Variants in MACF1 observed in about 807,000 individuals in gnomAD.
The protein encoded by MACF1 is microtubule actin crosslinking factor 1.
Under a neutral mutation model 854.8 loss-of-function variants are expected in MACF1, and 193 were observed. The ratio of observed to expected loss-of-function variants is 0.23; its 90% CI spans 0.20 to 0.25. The LOEUF (loss-of-function observed/expected upper bound fraction) is 0.25. Ranked by LOEUF, MACF1 falls within the 10% of genes least tolerant of loss-of-function variation. The pLI is 1.00. For missense variants in MACF1, 7,722 were observed against 8,929.1 expected, an observed-to-expected ratio of 0.86 and a Z score of 5.45; for synonymous variants, 3,185 against 3,226.7, an observed-to-expected ratio of 0.99 and a Z score of 0.44.
intron 50 of MACF1, among the ~76,000 whole-genome samples, chr1:39,369,362 A>G (rs1649029087): frequency 6.6e-6 from 1 of 152,210 alleles, no homozygotes; most frequent in Admixed American, 6.5e-5. Flanking sequence ...TAACTGCCTT[A>G]GTGATTAGAA....
At chr1:39,469,637 C>G (rs777394323) in intron 97 of MACF1, 22 bp downstream of exon 97, 1 of 1,534,358 alleles carries the variant, frequency 6.5e-7, no homozygotes, top group Non-Finnish European at 8.8e-7. Context: ...AGCTTTGTCC[C>G]TCTTCCTCAC....
intron 29 of MACF1, 126 bp from the exon 30 acceptor site, chr1:39,318,327 G>A (rs888909739): frequency 7.5e-6 from 6 of 799,078 alleles, no homozygotes; most frequent in Non-Finnish European, 1.2e-5. Flanking sequence ...GCTGTTCCCC[G>A]TAGATAAAGA....
At chr1:39,453,636 C>G in intron 87 of MACF1, 71 bp from the exon 88 acceptor site, 4 of 1,328,426 alleles carry the variant, frequency 3.0e-6, no homozygotes, top group Non-Finnish European at 4.3e-6. Flanking sequence ...ATTTATCCCC[C>G]CTCAGTGTAA....
chr1:39,272,184 A>G (rs570948708), intron 6 of MACF1, among the ~76,000 whole-genome samples: 13 of 152,324 alleles, frequency 8.5e-5, no homozygotes, highest in African/African-American at 3.1e-4. Flanking sequence ...TATATGACAG[A>G]TAAGAAGTAA....
At chr1:39,393,871 AAG>A (rs796822146) in intron 58 of MACF1, among the ~76,000 whole-genome samples, 1 of 144,490 alleles carries the variant, frequency 6.9e-6, no homozygotes, top group Non-Finnish European at 1.5e-5. Context: ...GAGAGAAAGA[AAG>A]AGAGAAAGAA....
At chr1:39,328,376 A>AG (rs1238074267) in intron 36 of MACF1, 4 of 152,104 alleles carry the variant, frequency 2.6e-5, no homozygotes, top group African/African-American at 9.7e-5. Context: ...GTTAAAAAAG[A>AG]GGGGGGAAAA....
chr1:39,339,069 A>G (rs1021065279), intron 38 of MACF1, among the ~76,000 whole-genome samples: 2 of 152,160 alleles, frequency 1.3e-5, no homozygotes, highest in Admixed American at 1.3e-4. Flanking sequence ...GCTTGAGCCC[A>G]GGAGTTTGAG....
At chr1:39,320,830 T>A (rs1220463886) in intron 31 of MACF1, among the ~76,000 whole-genome samples, 3 of 152,060 alleles carry the variant, frequency 2.0e-5, no homozygotes, top group African/African-American at 7.2e-5. Context: ...ATTAGCTGGA[T>A]GTAGTGGTGT....
chr1:39,408,738 C>T lies in MACF1; in HGVS notation c.15817-13636C>T, dbSNP rs1642823365. The stretch of plus-strand genomic sequence containing the variant: ...AGACTCGCGCGGGTTCCGTTCCTCT[C>T]CTTGCGCCCTCTCCGGGGGCGGGGC... On this transcript the variant is annotated intron_variant, in intron 58 of 100. Coordinates refer to ENST00000564288, the MANE Select transcript of MACF1 (RefSeq NM_001394062.1). Among the ~76,000 whole-genome samples the T allele has an allele frequency of 2.6e-5, 4 of 152,204 alleles. No individual in the cohort carries two copies. In the South Asian group the frequency reaches 8.3e-4, roughly 32 times the overall value.
chr1:39,393,188 A>ATATATATATATATATAT (rs1365389099), intron 58 of MACF1, among the ~76,000 whole-genome samples: 1 of 88,188 alleles, frequency 1.1e-5, no homozygotes, highest in African/African-American at 6.3e-5. Flanking sequence ...GGGTAAAAAA[A>ATATATATATATATATAT]AAAAAAAAAT....
intron 97 of MACF1, among the ~76,000 whole-genome samples, chr1:39,476,213 C>T (rs1310167868): frequency 6.6e-6 from 1 of 152,164 alleles, no homozygotes; most frequent in Non-Finnish European, 1.5e-5. Flanking sequence ...ACATGGTTGA[C>T]ATTCATCAGT....
Position 39,300,253 on chromosome 1 carries a change from G to A in MACF1, c.2525G>A (p.Ser842Asn), listed in dbSNP as rs773178053. 2.5e-6 allele frequency: 4 copies of A among 1,613,934 alleles called. No homozygotes were observed. The highest frequency in any genetic ancestry group is 8.5e-7 in the Non-Finnish European group (1 of 1,180,014). Residue 842 changes from serine to asparagine, a missense_variant, in exon 22 of 101, where the codon AGT (serine) becomes AAT (asparagine). Ser to Asn is a conservative substitution (Grantham distance 46, BLOSUM62 1). Coordinates refer to ENST00000564288, the MANE Select transcript of MACF1 (RefSeq NM_001394062.1). ...ATACAGTCCAAGAGTTCCGTTGCCA[G>A]TCTCGTTGGGAGATCAAAAACCATC... ...QLIQSKSSVA[S>N]LVGRSKTIVQ...
chr1:39,188,533 C>A (rs1264320379), intron 2 of MACF1, among the ~76,000 whole-genome samples: 1 of 152,216 alleles, frequency 6.6e-6, no homozygotes, highest in African/African-American at 2.4e-5. Flanking sequence ...GCCAGTCTCC[C>A]ATCTGGGGGC....
intron 7 of MACF1, 97 bp downstream of exon 7, chr1:39,282,471 C>G: frequency 7.8e-7 from 1 of 1,279,108 alleles, no homozygotes; most frequent in Non-Finnish European, 1.1e-6. Flanking sequence ...AATCAAAAAT[C>G]AAAGCTTTGA....
rs754834585 is a variant in MACF1, at chr1:39,291,894, A to AT, written c.1786-10dup. The AT allele has an allele frequency of 6.2e-7, 1 of 1,609,512 alleles. No individual in the cohort carries two copies. Among genetic ancestry groups the AT allele is most frequent in the Non-Finnish European group, 8.5e-7 (1 of 1,178,518 alleles). On this transcript the variant is annotated splice_polypyrimidine_tract_variant and intron_variant, in intron 15 of 100. Coordinates refer to ENST00000564288, the MANE Select transcript of MACF1 (RefSeq NM_001394062.1). Reference sequence around the variant, plus strand: ...CAGCAGTAAATTATGTCATATATATATTTTTTCTTTTTCAGATGAAACTGG... The same window carrying AT: ...CAGCAGTAAATTATGTCATATATATATTTTTTTCTTTTTCAGATGAAACTGG...
chr1:39,129,419 AT>A, intron 2 of MACF1, among the ~76,000 whole-genome samples: 1 of 152,212 alleles, frequency 6.6e-6, no homozygotes, highest in East Asian at 1.9e-4. Context: ...CAGCAGGCTA[AT>A]TAGGCAAACT....
At chr1:39,113,563 C>T (rs889648782) in intron 2 of MACF1, among the ~76,000 whole-genome samples, 10 of 152,174 alleles carry the variant, frequency 6.6e-5, no homozygotes, top group African/African-American at 2.4e-4. Context: ...TAGGTGACTA[C>T]TCAAATCATC....
At chr1:39,360,275 A>G (rs1230251824) in intron 47 of MACF1, among the ~76,000 whole-genome samples, 1 of 151,746 alleles carries the variant, frequency 6.6e-6, no homozygotes, top group Non-Finnish European at 1.5e-5. Flanking sequence ...TCTCGAGGAC[A>G]GTACTTCTAG....
Position 39,334,172 on chromosome 1 carries a change from TGAA to T in MACF1, c.7587_7589del (p.Glu2529del). On this transcript the variant is annotated inframe_deletion, in exon 37 of 101. Transcript: ENST00000564288. The stretch of plus-strand genomic sequence containing the variant: ...ATGCCTTCAGACATGGCTTAATTGG[TGAA>T]GATTTAGCCGAGAAACTCAAAAGAG... The T allele has an allele frequency of 6.2e-7, 1 of 1,614,074 alleles. No individual in the cohort carries two copies. The highest frequency in any genetic ancestry group is 8.5e-7 in the Non-Finnish European group (1 of 1,179,962).
Sources: gnomAD v4.1 joint callset for allele counts (sites outside exome capture counted in the v4.1 genomes callset) on GRCh38, gnomAD v4.1.1 for gene constraint, MANE v1.5 for transcripts, NCBI Gene and HGNC (gene_info 2026-07-23, HGNC 2026-07-21) for gene names.